INSL6: variants seen among roughly 807,000 people sequenced by gnomAD.
INSL6 encodes insulin like 6.
INSL6 carries 16 observed loss-of-function variants against 9.4 expected under a neutral mutation model. The ratio of observed to expected loss-of-function variants is 1.70; its 90% confidence interval spans 1.15 to 2.59. The LOEUF is 2.59. INSL6 is among the 30% of genes most tolerant of loss of function. INSL6 has a pLI of 0.00. For synonymous variants in INSL6, 154 were observed against 96.9 expected (o/e 1.59, Z -3.46); for missense variants, 391 against 257.3 (o/e 1.52, Z -3.56).
At position 5,156,688 on chromosome 9, in the gene INSL6, C is replaced by T. The variant is rs567620357; in HGVS notation, c.376+7491G>A. The stretch of plus-strand genomic sequence containing the variant: ...GGAAGTCCTAGGCAATGCAATGAGT[C>T]AATAAAAAGAAATTAAAGACATTAT... On this transcript the variant is annotated intron_variant, in intron 2 of 3. Transcript: ENST00000649639. Among the ~76,000 whole-genome samples, 136 of 151,932 alleles carry T rather than the reference C, an allele frequency of 9.0e-4. 1 individual carries two copies. Among genetic ancestry groups the T allele is most frequent in the African/African-American group, 3.0e-3 (123 of 41,430 alleles).
intron 2 of INSL6, among the ~76,000 whole-genome samples, chr9:5,142,689 T>C (rs1447312902): frequency 6.6e-6 from 1 of 152,182 alleles, no homozygotes; most frequent in African/African-American, 2.4e-5. Flanking sequence ...TTGAATACTC[T>C]TTCTTTTTCT....
chr9:5,020,851 C>T, the INSL6 span, among the ~76,000 whole-genome samples: 1 of 151,994 alleles, frequency 6.6e-6, no homozygotes, highest in African/African-American at 2.4e-5. Flanking sequence ...TGTGGATATG[C>T]AGGGGCTGTT....
Position 5,164,162 on chromosome 9 carries a change from A to G in INSL6, c.393T>C (p.Phe131=). The G allele has an allele frequency of 6.2e-7, 1 of 1,607,566 alleles. No individual in the cohort carries two copies. The highest frequency in any genetic ancestry group is 8.5e-7 in the Non-Finnish European group (1 of 1,177,218). Residue 131 remains phenylalanine (F), a synonymous_variant, in exon 2 of 2, where the codon TTT becomes TTC. Transcript: ENST00000381641. ...ATACATTGATATTATGTGATGAAGAAAATTCTCTTGTCTTACCAAGGGGTG... is the reference window on the plus strand; with the variant it reads ...ATACATTGATATTATGTGATGAAGAGAATTCTCTTGTCTTACCAAGGGGTG... ...GYSPLGKTRE[F]SSSHNINVYI... is the part of the protein sequence containing the mutation.
chr9:5,184,591 T>A (rs1825528225), intron 1 of INSL6, among the ~76,000 whole-genome samples: 2 of 152,138 alleles, frequency 1.3e-5, no homozygotes, highest in African/African-American at 2.4e-5. Context: ...TACAGTATGG[T>A]ATATAGGGCT....
At chr9:5,179,357 C>A (rs1407258042) in intron 1 of INSL6, among the ~76,000 whole-genome samples, 1 of 152,094 alleles carries the variant, frequency 6.6e-6, no homozygotes, top group South Asian at 2.1e-4. Flanking sequence ...TAAAAAACAA[C>A]AGATGCTGGC....
At chr9:5,029,875 T>A in the INSL6 span, 1 of 1,612,410 alleles carries the variant, frequency 6.2e-7, no homozygotes, top group South Asian at 1.1e-5. Flanking sequence ...TATAGATGAG[T>A]CAACCAGGCA....
chr9:5,103,958 G>C, the INSL6 span, among the ~76,000 whole-genome samples: 2 of 152,110 alleles, frequency 1.3e-5, no homozygotes, highest in African/African-American at 2.4e-5. Context: ...GCCCACAAGA[G>C]AAAGCAGGAA....
At chr9:5,035,141 G>C in the INSL6 span, among the ~76,000 whole-genome samples, 1 of 152,124 alleles carries the variant, frequency 6.6e-6, no homozygotes, top group African/African-American at 2.4e-5. Flanking sequence ...AGAATAAATG[G>C]ATAAATTCCT....
At chr9:4,998,230 C>G in the INSL6 span, among the ~76,000 whole-genome samples, 1 of 151,830 alleles carries the variant, frequency 6.6e-6, no homozygotes, top group African/African-American at 2.4e-5. Flanking sequence ...GAAATGAGAT[C>G]TTAAGGGAAA....
chr9:5,085,271 A>G, the INSL6 span: 1 of 693,088 alleles, frequency 1.4e-6, no homozygotes, highest in Non-Finnish European at 2.8e-6. Flanking sequence ...ACATCAGCTG[A>G]TGTTGGTTTG....
intron 3 of INSL6, chr9:5,127,635 A>T (rs1824082859): frequency 4.3e-6 from 1 of 232,146 alleles, no homozygotes; most frequent in Non-Finnish European, 8.6e-6. Flanking sequence ...GAGATTAAGA[A>T]TGCCAGGAAT....
the INSL6 span, among the ~76,000 whole-genome samples, chr9:5,055,347 A>T: frequency 1.3e-5 from 2 of 151,962 alleles, no homozygotes; most frequent in African/African-American, 4.8e-5. Flanking sequence ...ATTTAGAGGG[A>T]TCATTTTTTA....
chr9:4,998,541 C>T, the INSL6 span, among the ~76,000 whole-genome samples: 572 of 152,212 alleles, frequency 3.8e-3, 4 homozygotes, highest in African/African-American at 0.013. Context: ...AGGCATGAGC[C>T]ACCATGCCCG....
chr9:5,005,258 C>G, the INSL6 span, among the ~76,000 whole-genome samples: 5 of 151,324 alleles, frequency 3.3e-5, no homozygotes, highest in African/African-American at 9.7e-5. Flanking sequence ...TCTGTATTGT[C>G]CTTTGAGGAA....
rs1323811041 is a variant in INSL6 at position 5,164,152 on chromosome 9, GTGA to G, written c.400_402del (p.Ser134del). 2 of 1,607,672 alleles carry G rather than the reference GTGA, an allele frequency of 1.2e-6. No homozygotes were observed. The highest frequency in any genetic ancestry group is 1.1e-5 in the South Asian group (1 of 89,700). On this transcript the variant is annotated inframe_deletion, in exon 2 of 2. Transcript: ENST00000381641. ...TCATGAATATATACATTGATATTATGTGATGAAGAAAATTCTCTTGTCTTACCA... is the reference window on the plus strand; with the variant it reads ...TCATGAATATATACATTGATATTATGTGAAGAAAATTCTCTTGTCTTACCA...
chr9:5,141,862 TAAGTA>T (rs1564038093), intron 2 of INSL6, among the ~76,000 whole-genome samples: 1 of 152,210 alleles, frequency 6.6e-6, no homozygotes, highest in Non-Finnish European at 1.5e-5. Context: ...GATTTATATT[TAAGTA>T]TTTAATCCAT....
At chr9:5,049,048 C>G in the INSL6 span, among the ~76,000 whole-genome samples, 10 of 152,180 alleles carry the variant, frequency 6.6e-5, no homozygotes, top group African/African-American at 2.4e-4. Flanking sequence ...CTGTGTTTCT[C>G]TCTTCTTCAT....
At chr9:5,153,844 C>T (rs1320209128) in intron 2 of INSL6, among the ~76,000 whole-genome samples, 1 of 152,208 alleles carries the variant, frequency 6.6e-6, no homozygotes, top group Non-Finnish European at 1.5e-5. Context: ...AATGGAAAAA[C>T]ATTCCATGCT....
At chr9:5,046,640 G>C in the INSL6 span, among the ~76,000 whole-genome samples, 3 of 152,130 alleles carry the variant, frequency 2.0e-5, no homozygotes, top group Non-Finnish European at 4.4e-5. Flanking sequence ...AGCACCATTT[G>C]TTGAAAGACT....
Sources: allele counts gnomAD v4.1 joint callset (sites outside exome capture counted in the v4.1 genomes callset), GRCh38; gene constraint gnomAD v4.1.1; transcripts MANE v1.5; gene names NCBI Gene and HGNC (gene_info 2026-07-23, HGNC 2026-07-21).